Variants in GPHN observed in about 807,000 individuals in gnomAD.
GPHN encodes gephyrin.
In GPHN, 17 loss-of-function variants were observed where a neutral mutation model predicts 95.5. That is an observed-to-expected ratio of 0.18 (90% CI 0.12 to 0.27). The LOEUF (loss-of-function observed/expected upper bound fraction) is 0.27. Ranked by LOEUF, GPHN falls within the 10% of genes least tolerant of loss-of-function variation. The pLI is 1.00. For missense variants in GPHN, 660 were observed against 978.1 expected (o/e 0.67, Z 4.34); for synonymous variants, 320 against 322.5 (o/e 0.99, Z 0.08).
intron 2 of GPHN, among the ~76,000 whole-genome samples, chr14:66,759,876 G>A (rs2058697796): frequency 6.6e-6 from 1 of 152,010 alleles, no homozygotes; most frequent in Admixed American, 6.6e-5. Context: ...ATCAAATATT[G>A]AAAATTTAAA....
chr14:67,379,654 C>CTTTTTTTTTTTT, the GPHN span, among the ~76,000 whole-genome samples: 44 of 119,940 alleles, frequency 3.7e-4, 1 homozygote, highest in East Asian at 2.4e-3. Context: ...TTTTCTTTTT[C>CTTTTTTTTTTTT]TTTTTTTTTT....
At chr14:66,750,556 C>T (rs566374534) in intron 2 of GPHN, among the ~76,000 whole-genome samples, 279 of 151,774 alleles carry the variant, frequency 1.8e-3, no homozygotes, top group Non-Finnish European at 2.1e-3. Flanking sequence ...ACCTTGGTGC[C>T]CCCTCACTTT....
At chr14:66,874,624 T>C (rs1402142990) in intron 4 of GPHN, among the ~76,000 whole-genome samples, 2 of 152,012 alleles carry the variant, frequency 1.3e-5, no homozygotes, top group East Asian at 1.9e-4. Flanking sequence ...CAAGTATCAA[T>C]AGCCGAATCA....
intron 17 of GPHN, among the ~76,000 whole-genome samples, chr14:67,141,471 T>C (rs1009849142): frequency 5.3e-5 from 8 of 152,234 alleles, no homozygotes; most frequent in South Asian, 2.1e-4. Flanking sequence ...TAATGACATA[T>C]GACTTTCTTG....
chr14:67,620,276 A>AGAGG, the GPHN span, among the ~76,000 whole-genome samples: 1 of 136,606 alleles, frequency 7.3e-6, no homozygotes, highest in Admixed American at 7.2e-5. Flanking sequence ...CAGAGAATGG[A>AGAGG]GAGGGAGGGA....
chr14:66,575,862 C>T (rs928631712), intron 1 of GPHN, among the ~76,000 whole-genome samples: 5 of 152,008 alleles, frequency 3.3e-5, no homozygotes, highest in East Asian at 3.9e-4. Flanking sequence ...AGGCTGCATC[C>T]GTGGGATGGG....
chr14:66,992,957 G>A (rs1182946944), intron 9 of GPHN, among the ~76,000 whole-genome samples: 1 of 152,134 alleles, frequency 6.6e-6, no homozygotes, highest in African/African-American at 2.4e-5. Flanking sequence ...GTCTCATACA[G>A]TCTAAAATAT....
intron 6 of GPHN, among the ~76,000 whole-genome samples, 191 bp from the exon 7 acceptor site, chr14:66,922,475 A>G (rs2066273987): frequency 6.6e-6 from 1 of 152,152 alleles, no homozygotes; most frequent in Non-Finnish European, 1.5e-5. Context: ...TCCTTAGCTT[A>G]TGGAGAATGC....
intron 1 of GPHN, among the ~76,000 whole-genome samples, chr14:66,568,763 C>T (rs1302586679): frequency 6.6e-6 from 1 of 151,974 alleles, no homozygotes; most frequent in Non-Finnish European, 1.5e-5. Flanking sequence ...TTCTCTATTC[C>T]TCAAACATAT....
intron 17 of GPHN, among the ~76,000 whole-genome samples, chr14:67,137,767 A>C (rs1241837892): frequency 6.6e-6 from 1 of 152,164 alleles, no homozygotes; most frequent in East Asian, 1.9e-4. Flanking sequence ...CCTGTCTCAA[A>C]AAAAGAAAAA....
chr14:67,061,459 G>A (rs910852449), intron 11 of GPHN, among the ~76,000 whole-genome samples: 4 of 151,362 alleles, frequency 2.6e-5, no homozygotes, highest in East Asian at 3.9e-4. Flanking sequence ...TTGCTAATTC[G>A]TTATTAACAC....
chr14:66,660,827 G>C (rs1595444899), intron 1 of GPHN, among the ~76,000 whole-genome samples: 1 of 152,130 alleles, frequency 6.6e-6, no homozygotes, highest in East Asian at 1.9e-4. Flanking sequence ...AGCTTACCTG[G>C]GAGCAACATG....
chr14:66,573,735 G>T (rs977170007), intron 1 of GPHN, among the ~76,000 whole-genome samples: 16 of 151,966 alleles, frequency 1.1e-4, no homozygotes, highest in Non-Finnish European at 2.1e-4. Flanking sequence ...GATTACAGGC[G>T]TGAGCCACCA....
rs2061326452 is a variant in GPHN, at chr14:66,824,606, T to G, written c.294+40T>G. ...GCCTTTTCATATTCAAGGATTAAAC[T>G]AATCATGGTTTTTTTAATCCTTTTT... On this transcript the variant is annotated intron_variant, in intron 4 of 22. Transcript: ENST00000478722. 3 of 906,808 alleles carry G rather than the reference T, an allele frequency of 3.3e-6. No homozygotes were observed. The African/African-American group carries it at 4.9e-5, about 15-fold the overall frequency. 56.2% of individuals were successfully genotyped at this position (906,808 alleles called of 1,614,324 possible). A position where few individuals can be genotyped will look rare whatever the true frequency, so the allele number is the denominator to read the frequency against.
chr14:67,690,318 G>A, the GPHN span: 3 of 1,614,186 alleles, frequency 1.9e-6, no homozygotes, highest in Non-Finnish European at 2.5e-6. Flanking sequence ...GGTTATGGAA[G>A]TGGATCCTTC....
At chr14:66,508,669 T>C (rs1313312802) in intron 1 of GPHN, 78 bp downstream of exon 1, 3 of 1,259,846 alleles carry the variant, frequency 2.4e-6, no homozygotes, top group Non-Finnish European at 3.5e-6. Context: ...GTGGTGGCCC[T>C]TCTCTGCGGC....
chr14:67,492,841 T>C, the GPHN span, among the ~76,000 whole-genome samples: 1 of 152,214 alleles, frequency 6.6e-6, no homozygotes, highest in Admixed American at 6.5e-5. Context: ...TACTGTACCA[T>C]GTGTGAACAA....
intron 1 of GPHN, among the ~76,000 whole-genome samples, chr14:66,518,287 G>A: frequency 6.6e-6 from 1 of 151,942 alleles, no homozygotes; most frequent in South Asian, 2.1e-4. Flanking sequence ...CCACAGTGAG[G>A]TATTCTCTTA....
chr14:67,023,126 C>T (rs1283698719), intron 9 of GPHN, among the ~76,000 whole-genome samples: 2 of 151,902 alleles, frequency 1.3e-5, no homozygotes, highest in African/African-American at 2.4e-5. Flanking sequence ...ATATAAGGAT[C>T]AATAAGTAAC....
Sources: gnomAD v4.1 joint callset for allele counts (sites outside exome capture counted in the v4.1 genomes callset) on GRCh38, gnomAD v4.1.1 for gene constraint, MANE v1.5 for transcripts, NCBI Gene and HGNC (gene_info 2026-07-23, HGNC 2026-07-21) for gene names.